The following RARB variants were observed in gnomAD, a reference collection of about 807,000 sequenced individuals.
RARB encodes HBV-activated protein.
In RARB, 17 loss-of-function variants were observed where a neutral mutation model predicts 51.9. That is an observed-to-expected ratio of 0.33 (90% CI 0.22 to 0.49). RARB has a LOEUF of 0.49. Among genes scored for constraint, RARB ranks in the 20% least tolerant of loss-of-function variants. The probability of loss-of-function intolerance (pLI) is 0.99; values close to 1 mark genes in which losing one functional copy is unlikely to be tolerated. For missense variants in RARB, 369 were observed against 550.8 expected, an observed-to-expected ratio of 0.67 and a Z score of 3.30; for synonymous variants, 215 against 195.4, an observed-to-expected ratio of 1.10 and a Z score of -0.84.
intron 2 of RARB, among the ~76,000 whole-genome samples, chr3:24,952,436 T>G (rs747513235): frequency 3.9e-5 from 6 of 152,188 alleles, no homozygotes; most frequent in Non-Finnish European, 8.8e-5. Context: ...GGTTTTCCTT[T>G]ACTAAAATGT....
At chr3:25,153,147 T>A (rs1700319106) in intron 4 of RARB, among the ~76,000 whole-genome samples, 1 of 151,946 alleles carries the variant, frequency 6.6e-6, no homozygotes, top group African/African-American at 2.4e-5. Context: ...TGTGTGTGTG[T>A]GTGTGTGTGT....
Position 24,949,360 on chromosome 3 carries a change from CT to C in RARB, c.-380+90609del, listed in dbSNP as rs778864906. Reference sequence around the variant, plus strand: ...GAAAAAATATAATTACCCTTCCCCCCTGAACATATTGTACAAGTAGGTAGAC... The same window carrying C: ...GAAAAAATATAATTACCCTTCCCCCCGAACATATTGTACAAGTAGGTAGAC... On this transcript the variant is annotated intron_variant, in intron 2 of 11. Transcript: ENST00000383772. 8.5e-5 allele frequency among the ~76,000 whole-genome samples: 13 copies of C among 152,302 alleles called. No homozygotes were observed. In the East Asian group the frequency reaches 1.4e-3, roughly 16 times the overall value.
At chr3:24,941,180 G>T (rs1332850065) in intron 2 of RARB, among the ~76,000 whole-genome samples, 2 of 151,852 alleles carry the variant, frequency 1.3e-5, no homozygotes, top group African/African-American at 4.8e-5. Context: ...GATGGAGGGT[G>T]GATAGGGAAA....
chr3:25,036,197 C>T (rs1042452047), intron 2 of RARB, among the ~76,000 whole-genome samples: 3 of 152,094 alleles, frequency 2.0e-5, no homozygotes, highest in Non-Finnish European at 4.4e-5. Flanking sequence ...TACCAAAGGC[C>T]TACTATGAAA....
intron 2 of RARB, among the ~76,000 whole-genome samples, chr3:24,963,995 T>C (rs1169088346): frequency 1.3e-5 from 2 of 152,160 alleles, no homozygotes; most frequent in Non-Finnish European, 2.9e-5. Context: ...TGACAAATGA[T>C]GTCTGAACAG....
intron 3 of RARB, among the ~76,000 whole-genome samples, chr3:25,513,914 G>T (rs1442954937): frequency 6.6e-6 from 1 of 152,150 alleles, no homozygotes; most frequent in African/African-American, 2.4e-5. Context: ...TTTTCATCTT[G>T]AGCTATTTTT....
chr3:24,875,723 C>A (rs1054619879), intron 2 of RARB, among the ~76,000 whole-genome samples: 9 of 152,014 alleles, frequency 5.9e-5, no homozygotes, highest in African/African-American at 1.9e-4. Context: ...ATACAATGAT[C>A]AAAATCAAGA....
At chr3:25,354,863 A>G (rs1234275158) in intron 5 of RARB, among the ~76,000 whole-genome samples, 1 of 146,734 alleles carries the variant, frequency 6.8e-6, no homozygotes, top group Non-Finnish European at 1.5e-5. Flanking sequence ...TTTGAACCAC[A>G]TACATTTGTT....
intron 2 of RARB, among the ~76,000 whole-genome samples, chr3:24,877,850 C>G (rs1487641230): frequency 6.6e-6 from 1 of 152,198 alleles, no homozygotes; most frequent in Non-Finnish European, 1.5e-5. Context: ...CAACACATGT[C>G]CACATGAATG....
intron 4 of RARB, among the ~76,000 whole-genome samples, chr3:25,161,201 T>C (rs935152898): frequency 1.4e-5 from 2 of 145,832 alleles, no homozygotes; most frequent in Non-Finnish European, 3.0e-5. Flanking sequence ...ATTATTATTA[T>C]TATTATTATT....
chr3:24,877,848 G>A (rs1243449508), intron 2 of RARB, among the ~76,000 whole-genome samples: 2 of 152,172 alleles, frequency 1.3e-5, no homozygotes, highest in African/African-American at 4.8e-5. Flanking sequence ...TCCAACACAT[G>A]TCCACATGAA....
chr3:25,246,846 C>T (rs903922872), intron 5 of RARB, among the ~76,000 whole-genome samples: 1 of 152,168 alleles, frequency 6.6e-6, no homozygotes, highest in Admixed American at 6.5e-5. Context: ...GAGCTCAAGC[C>T]CTGTGCTGGG....
At chr3:25,104,033 C>T (rs1375842281) in intron 3 of RARB, among the ~76,000 whole-genome samples, 2 of 152,130 alleles carry the variant, frequency 1.3e-5, no homozygotes, top group East Asian at 1.9e-4. Context: ...ACAGTTTCTA[C>T]CTTTGGACTG....
chr3:24,931,838 T>A (rs568451738), intron 2 of RARB, among the ~76,000 whole-genome samples: 1 of 152,192 alleles, frequency 6.6e-6, no homozygotes, highest in Admixed American at 6.5e-5. Context: ...TTTTGTAGAA[T>A]GAGAGTTAGG....
At chr3:25,370,267 C>G (rs1179789177) in intron 5 of RARB, among the ~76,000 whole-genome samples, 2 of 151,638 alleles carry the variant, frequency 1.3e-5, no homozygotes, top group Non-Finnish European at 3.0e-5. Context: ...ATGAAATATA[C>G]TAAATTAAAA....
At chr3:24,915,064 C>T (rs1302262981) in intron 2 of RARB, among the ~76,000 whole-genome samples, 2 of 152,170 alleles carry the variant, frequency 1.3e-5, no homozygotes, top group Non-Finnish European at 2.9e-5. Flanking sequence ...AAACTGTGCA[C>T]TTAGTGGTTA....
intron 5 of RARB, among the ~76,000 whole-genome samples, chr3:25,582,089 C>G (rs1374280104): frequency 1.3e-5 from 2 of 152,000 alleles, no homozygotes; most frequent in Admixed American, 1.3e-4. Flanking sequence ...AAACAGGAGC[C>G]CTTAGGGATA....
chr3:25,220,053 C>G (rs961146720), intron 5 of RARB, among the ~76,000 whole-genome samples: 1 of 152,192 alleles, frequency 6.6e-6, no homozygotes, highest in African/African-American at 2.4e-5. Flanking sequence ...AAGAATGCAT[C>G]TATATCACCT....
chr3:25,407,647 A>G (rs759215261), intron 5 of RARB, among the ~76,000 whole-genome samples: 10 of 152,146 alleles, frequency 6.6e-5, no homozygotes, highest in Non-Finnish European at 1.2e-4. Flanking sequence ...ATGCACGCAC[A>G]CACACACAGA....
Sources: allele counts gnomAD v4.1 joint callset (sites outside exome capture counted in the v4.1 genomes callset), GRCh38; gene constraint gnomAD v4.1.1; transcripts MANE v1.5; gene names NCBI Gene and HGNC (gene_info 2026-07-23, HGNC 2026-07-21).